The following USP49 variants were observed in gnomAD, a reference collection of about 807,000 sequenced individuals.
USP49 encodes the protein ubiquitin carboxyl-terminal hydrolase 49.
Under a neutral mutation model 58.6 loss-of-function variants are expected in USP49, and 24 were observed. That is an observed-to-expected ratio of 0.41 (90% CI 0.30 to 0.58). USP49 has a LOEUF of 0.58. Among genes scored for constraint, USP49 ranks in the 20% least tolerant of loss-of-function variants. The pLI is 0.30. For synonymous variants in USP49, 408 were observed against 365.1 expected, an observed-to-expected ratio of 1.12 and a Z score of -1.34; for missense variants, 703 against 866.1, an observed-to-expected ratio of 0.81 and a Z score of 2.36.
At chr6:41,809,321 G>A (rs10947989) in intron 3 of USP49, among the ~76,000 whole-genome samples, 5 of 151,666 alleles carry the variant, frequency 3.3e-5, no homozygotes, top group Admixed American at 6.6e-5. Flanking sequence ...TCAGGAGCTC[G>A]AGACCAGACT....
At chr6:41,804,046 T>G (rs1050431483) in intron 4 of USP49, 36 bp from the exon 5 acceptor site, 9 of 1,564,350 alleles carry the variant, frequency 5.8e-6, no homozygotes, top group East Asian at 2.2e-5. Context: ...ATTATATAAC[T>G]TCCATGCTTC....
intron 4 of USP49, among the ~76,000 whole-genome samples, chr6:41,804,254 C>CT (rs1035273604): frequency 6.6e-6 from 1 of 152,200 alleles, no homozygotes; most frequent in Non-Finnish European, 1.5e-5. Flanking sequence ...ACTAACCCCC[C>CT]TTTTCACCTC....
chr6:41,893,525 G>A (rs1043930038), intron 1 of USP49, among the ~76,000 whole-genome samples: 11 of 152,166 alleles, frequency 7.2e-5, no homozygotes, highest in African/African-American at 2.4e-4. Flanking sequence ...ACACAGCCCA[G>A]CACTTGTCAG....
intron 3 of USP49, among the ~76,000 whole-genome samples, chr6:41,839,212 GC>G (rs1773777911): frequency 6.6e-6 from 1 of 151,774 alleles, no homozygotes; most frequent in African/African-American, 2.4e-5. Context: ...TGTGAGACCA[GC>G]CTGGGCAACA....
At chr6:41,802,703 T>C (rs1773042459) in intron 5 of USP49, among the ~76,000 whole-genome samples, 1 of 151,934 alleles carries the variant, frequency 6.6e-6, no homozygotes, top group South Asian at 2.1e-4. Flanking sequence ...TTTCCAAATC[T>C]ATATATGCCA....
chr6:41,851,635 T>C (rs1303470585), intron 3 of USP49, among the ~76,000 whole-genome samples: 1 of 152,128 alleles, frequency 6.6e-6, no homozygotes, highest in Non-Finnish European at 1.5e-5. Context: ...TTCTAGTCAG[T>C]GCAATTAGGC....
At chr6:41,884,116 T>C (rs1774665995) in intron 2 of USP49, among the ~76,000 whole-genome samples, 1 of 152,112 alleles carries the variant, frequency 6.6e-6, no homozygotes, top group African/African-American at 2.4e-5. Flanking sequence ...CTCCACCTGC[T>C]GGGTTCAAGC....
At chr6:41,834,671 C>A (rs1773695638) in intron 3 of USP49, among the ~76,000 whole-genome samples, 1 of 152,210 alleles carries the variant, frequency 6.6e-6, no homozygotes, top group Non-Finnish European at 1.5e-5. Context: ...TTTGCTCCTG[C>A]TCCAGCCATG....
intron 3 of USP49, among the ~76,000 whole-genome samples, chr6:41,836,960 A>G (rs755260724): frequency 2.6e-5 from 4 of 152,248 alleles, no homozygotes; most frequent in Admixed American, 6.5e-5. Flanking sequence ...AAGAAATCAG[A>G]GATGACACAA....
intron 3 of USP49, among the ~76,000 whole-genome samples, chr6:41,830,549 A>G (rs1164101122): frequency 6.6e-6 from 1 of 152,202 alleles, no homozygotes; most frequent in Non-Finnish European, 1.5e-5. Context: ...AAAGCAGGCC[A>G]GGCGTGGTGG....
At chr6:41,874,852 G>C (rs1774475197) in intron 2 of USP49, among the ~76,000 whole-genome samples, 1 of 152,148 alleles carries the variant, frequency 6.6e-6, no homozygotes, top group Non-Finnish European at 1.5e-5. Flanking sequence ...CAGCTACTTG[G>C]GAAGCTAAGA....
chr6:41,826,377 G>A (rs913232922), intron 3 of USP49, among the ~76,000 whole-genome samples: 2 of 152,128 alleles, frequency 1.3e-5, no homozygotes, highest in African/African-American at 4.8e-5. Context: ...TACATATTAC[G>A]CATTCCAAGA....
At chr6:41,799,594 G>A (rs575108889) in intron 6 of USP49, among the ~76,000 whole-genome samples, 19 of 152,328 alleles carry the variant, frequency 1.2e-4, no homozygotes, top group South Asian at 1.2e-3. Flanking sequence ...CAGACACCCA[G>A]TGCAGGCTGG....
chr6:41,837,782 A>G (rs773607023), intron 3 of USP49, among the ~76,000 whole-genome samples: 3 of 152,254 alleles, frequency 2.0e-5, no homozygotes, highest in African/African-American at 2.4e-5. Context: ...GCCCCATTAG[A>G]AAGTGGGCAA....
intron 3 of USP49, among the ~76,000 whole-genome samples, chr6:41,865,821 T>G (rs943049067): frequency 1.1e-4 from 14 of 125,942 alleles, no homozygotes; most frequent in African/African-American, 3.3e-4. Flanking sequence ...TTTTTTTTTT[T>G]CCCCCAGAGA....
At chr6:41,862,624 C>A (rs895268202) in intron 3 of USP49, among the ~76,000 whole-genome samples, 5 of 151,998 alleles carry the variant, frequency 3.3e-5, no homozygotes, top group African/African-American at 1.2e-4. Flanking sequence ...ATTAAGGAAA[C>A]AATGTGATTT....
At chr6:41,858,035 T>C (rs1183148619) in intron 3 of USP49, among the ~76,000 whole-genome samples, 1 of 152,176 alleles carries the variant, frequency 6.6e-6, no homozygotes, top group Non-Finnish European at 1.5e-5. Context: ...GGTGTGTGTG[T>C]GTGTAGCATG....
chr6:41,817,615 ATTTTTCT>A (rs1322088406), intron 3 of USP49, among the ~76,000 whole-genome samples: 2 of 150,086 alleles, frequency 1.3e-5, no homozygotes, highest in African/African-American at 4.9e-5. Context: ...GCCCACCACC[ATTTTTCT>A]TTTTTCTTTT....
rs1290882326 is a variant in USP49 at position 41,794,937 on chromosome 6, T to G, written c.*1596A>C. 1.3e-5 allele frequency: 2 copies of G among 152,206 alleles called. No individual in the cohort carries two copies. The highest frequency in any genetic ancestry group is 2.9e-5 in the Non-Finnish European group (2 of 68,046). The allele number at this position is 152,206 out of a possible 1,614,324, so 9.4% of individuals were successfully genotyped here. ...GGCAGGGCCTATGGGAGAGTTCATC[T>G]CAAAAGAGGTCAACAGCAAATGCTA... On this transcript the variant is annotated 3_prime_UTR_variant, in exon 8 of 8. Transcript: ENST00000682992.
Sources: allele counts gnomAD v4.1 joint callset (sites outside exome capture counted in the v4.1 genomes callset), GRCh38; gene constraint gnomAD v4.1.1; transcripts MANE v1.5; gene names NCBI Gene and HGNC (gene_info 2026-07-23, HGNC 2026-07-21).